The following SYNJ2BP variants were observed in gnomAD, a reference collection of about 807,000 sequenced individuals.
SYNJ2BP encodes the protein synaptojanin-2-binding protein.
In SYNJ2BP, 10 loss-of-function variants were observed where a neutral mutation model predicts 16.9. The ratio of observed to expected loss-of-function variants is 0.59; its 90% CI spans 0.36 to 1.00. The LOEUF is 1.00. Among genes scored for constraint, SYNJ2BP ranks in the 50% least tolerant of loss-of-function variants. SYNJ2BP has a pLI of 0.01. For synonymous variants in SYNJ2BP, 54 were observed against 68.4 expected (o/e 0.79, Z 1.04); for missense variants, 162 against 186.7 (o/e 0.87, Z 0.77).
At position 70,367,578 on chromosome 14, in the gene SYNJ2BP, A is replaced by AAAAAAAAAAAAAAAAAAAAG. The variant is rs1887419460; in HGVS notation, c.*5412_*5413insCTTTTTTTTTTTTTTTTTTT. On this transcript the variant is annotated 3_prime_UTR_variant, in exon 4 of 4. Transcript: ENST00000256366. ...CTCCGTCTCAAAAAAAAAAAAAAAA[A>AAAAAAAAAAAAAAAAAAAAG]AAAAAAAAAGAAAAGAAAAGAATCT... 1 of 151,422 alleles carries AAAAAAAAAAAAAAAAAAAAG rather than the reference A, an allele frequency of 6.6e-6. No homozygotes were observed. The highest frequency in any genetic ancestry group is 6.6e-5 in the Admixed American group (1 of 15,202). The allele number at this position is 151,422 out of a possible 1,614,324, so 9.4% of individuals were successfully genotyped here. A position where few individuals can be genotyped will look rare whatever the true frequency, so the allele number is the denominator to read the frequency against.
intron 2 of SYNJ2BP, 93 bp from the exon 3 acceptor site, chr14:70,375,864 C>A: frequency 6.6e-7 from 1 of 1,519,136 alleles, no homozygotes; most frequent in South Asian, 1.3e-5. Flanking sequence ...TAACAAACTC[C>A]TTCAGAGCAA....
chr14:70,367,738 A>G lies in SYNJ2BP; in HGVS notation c.*5253T>C, dbSNP rs1442559489. 6.6e-6 allele frequency: 1 copy of G among 152,120 alleles called. No homozygotes were observed. The highest frequency in any genetic ancestry group is 1.5e-5 in the Non-Finnish European group (1 of 68,026). The allele number at this position is 152,120 out of a possible 1,614,324, so 9.4% of individuals were successfully genotyped here. ...AAGACTTACACCAAAATAGCAACCA[A>G]CTCTAAAACTATTACAGGTGAGAGG... On this transcript the variant is annotated 3_prime_UTR_variant, in exon 4 of 4. Transcript: ENST00000256366.
chr14:70,391,029 G>A (rs1227121580), intron 1 of SYNJ2BP, among the ~76,000 whole-genome samples: 1 of 152,130 alleles, frequency 6.6e-6, no homozygotes, highest in Non-Finnish European at 1.5e-5. Context: ...GGAGGCTGAG[G>A]TAGGAGGATC....
intron 2 of SYNJ2BP, among the ~76,000 whole-genome samples, chr14:70,376,359 C>A (rs1359985381): frequency 6.6e-6 from 1 of 152,192 alleles, no homozygotes; most frequent in Non-Finnish European, 1.5e-5. Flanking sequence ...TTAGTAAAAA[C>A]CATATTCCTG....
intron 1 of SYNJ2BP, among the ~76,000 whole-genome samples, chr14:70,407,329 G>A (rs1381428817): frequency 6.6e-6 from 1 of 151,952 alleles, no homozygotes; most frequent in Non-Finnish European, 1.5e-5. Context: ...TTGGGAGGCT[G>A]AGGCAGGAGA....
chr14:70,374,638 G>A (rs925262005), intron 3 of SYNJ2BP, among the ~76,000 whole-genome samples: 9 of 152,134 alleles, frequency 5.9e-5, no homozygotes, highest in African/African-American at 2.2e-4. Flanking sequence ...TGCCTTGACT[G>A]AATTCTGAAT....
intron 3 of SYNJ2BP, among the ~76,000 whole-genome samples, chr14:70,375,198 TTTTTTTC>T (rs1189353175): frequency 1.2e-4 from 15 of 120,400 alleles, no homozygotes; most frequent in African/African-American, 2.1e-4. Flanking sequence ...TTTTTTTCTC[TTTTTTTC>T]TTTTTTTTTT....
intron 1 of SYNJ2BP, among the ~76,000 whole-genome samples, chr14:70,391,890 G>T (rs532750978): frequency 6.6e-6 from 1 of 152,212 alleles, no homozygotes; most frequent in Non-Finnish European, 1.5e-5. Flanking sequence ...CTCCTGGACT[G>T]ACCTGAAGCC....
intron 3 of SYNJ2BP, 91 bp from the exon 4 acceptor site, chr14:70,373,222 T>G: frequency 2.0e-6 from 3 of 1,529,828 alleles, no homozygotes; most frequent in Non-Finnish European, 2.6e-6. Flanking sequence ...GTTTGTAGAC[T>G]CTAGACCACC....
At chr14:70,416,598 TAAGCAGGCTAAAA>T (rs1380105269) in intron 1 of SYNJ2BP, among the ~76,000 whole-genome samples, 1 of 152,126 alleles carries the variant, frequency 6.6e-6, no homozygotes, top group Non-Finnish European at 1.5e-5. Context: ...GTATCCACGA[TAAGCAGGCTAAAA>T]AAGCAGGCTT....
At chr14:70,412,520 C>G (rs961153549) in intron 1 of SYNJ2BP, among the ~76,000 whole-genome samples, 2 of 5,074 alleles carry the variant, frequency 3.9e-4, no homozygotes, top group African/African-American at 7.4e-4. Context: ...AGTATATATA[C>G]AGTATATATG....
chr14:70,408,818 T>G (rs1336447984), intron 1 of SYNJ2BP, among the ~76,000 whole-genome samples: 5 of 152,116 alleles, frequency 3.3e-5, no homozygotes, highest in African/African-American at 1.2e-4. Flanking sequence ...GAGTAAGGAT[T>G]TGAACTCAAG....
chr14:70,404,381 A>G (rs1221552293), intron 1 of SYNJ2BP, among the ~76,000 whole-genome samples: 1 of 152,242 alleles, frequency 6.6e-6, no homozygotes, highest in Admixed American at 6.5e-5. Flanking sequence ...TTAAATGAAT[A>G]TAAATGGTAT....
intron 1 of SYNJ2BP, among the ~76,000 whole-genome samples, chr14:70,392,979 AGCTTTT>A (rs1269623631): frequency 6.6e-6 from 1 of 152,238 alleles, no homozygotes; most frequent in Non-Finnish European, 1.5e-5. Flanking sequence ...TCAATTAAAG[AGCTTTT>A]GCTCAGCAAA....
chr14:70,380,777 C>T (rs1197014168), intron 2 of SYNJ2BP, among the ~76,000 whole-genome samples: 2 of 151,854 alleles, frequency 1.3e-5, no homozygotes, highest in African/African-American at 4.8e-5. Context: ...AGTTAGGTGC[C>T]ACTTCATTGA....
At chr14:70,392,460 A>G (rs35051921) in intron 1 of SYNJ2BP, among the ~76,000 whole-genome samples, 2,339 of 152,270 alleles carry the variant, frequency 0.015, 36 homozygotes, top group South Asian at 0.036. Flanking sequence ...GTCTACATCA[A>G]TGGGTAAGTG....
rs1384833197 is a variant in SYNJ2BP, at chr14:70,366,795, G to A, written c.*6196C>T. ...TGTGACATTAGAATTGAAGCAGAAA[G>A]GAAGCAAAACAAAACAGGGTTCATG... is the stretch of plus-strand genomic sequence containing the variant. On this transcript the variant is annotated 3_prime_UTR_variant, in exon 4 of 4. Transcript: ENST00000256366. The A allele has an allele frequency of 2.6e-5, 4 of 152,124 alleles. 1 individual carries two copies. In the East Asian group the frequency reaches 5.8e-4, roughly 22 times the overall value. 9.4% of individuals were successfully genotyped at this position (152,124 alleles called of 1,614,324 possible).
At chr14:70,406,939 T>C (rs1301245617) in intron 1 of SYNJ2BP, among the ~76,000 whole-genome samples, 1 of 152,202 alleles carries the variant, frequency 6.6e-6, no homozygotes. Context: ...CCTTGATAAA[T>C]TGGCTCAGTC....
chr14:70,396,838 G>A (rs189856562), intron 1 of SYNJ2BP, among the ~76,000 whole-genome samples: 1 of 152,196 alleles, frequency 6.6e-6, no homozygotes, highest in African/African-American at 2.4e-5. Context: ...GAATTGGGTT[G>A]TTTTCTGTCA....
Sources: gnomAD v4.1 joint callset for allele counts (sites outside exome capture counted in the v4.1 genomes callset) on GRCh38, gnomAD v4.1.1 for gene constraint, MANE v1.5 for transcripts, NCBI Gene and HGNC (gene_info 2026-07-23, HGNC 2026-07-21) for gene names.